Variants in C1QTNF9 observed in about 807,000 individuals in gnomAD.
C1QTNF9 encodes C1q and TNF related 9.
In C1QTNF9, 6 loss-of-function variants were observed where a neutral mutation model predicts 10.1. The ratio of observed to expected loss-of-function variants is 0.59; its 90% CI spans 0.32 to 1.17. The LOEUF is 1.17. Ranked by LOEUF, C1QTNF9 falls within the 50% of genes most tolerant of loss-of-function variation. The pLI, the probability that C1QTNF9 is intolerant of heterozygous loss-of-function variation, is 0.04. For synonymous variants in C1QTNF9, 98 were observed against 163.5 expected, an observed-to-expected ratio of 0.60 and a Z score of 3.06; for missense variants, 201 against 418.8, an observed-to-expected ratio of 0.48 and a Z score of 4.54.
chr13:24,310,137 C>T (rs544455610), intron 1 of C1QTNF9, among the ~76,000 whole-genome samples: 9 of 152,002 alleles, frequency 5.9e-5, no homozygotes, highest in African/African-American at 2.2e-4. Context: ...TATGATCCAA[C>T]CGCTTTGGCC....
chr13:24,314,447 C>T (rs1264235591), intron 1 of C1QTNF9, among the ~76,000 whole-genome samples: 1 of 151,840 alleles, frequency 6.6e-6, no homozygotes, highest in Non-Finnish European at 1.5e-5. Context: ...CTTTGGGAGG[C>T]CAAGACAGGC....
chr13:24,309,832 G>T (rs74240466), intron 1 of C1QTNF9, among the ~76,000 whole-genome samples: 30,166 of 152,112 alleles, frequency 0.2, 3,530 homozygotes, highest in East Asian at 0.35. Flanking sequence ...AAATTCTTCT[G>T]CTGGAACTCT....
At chr13:24,310,139 G>A (rs930172891) in intron 1 of C1QTNF9, among the ~76,000 whole-genome samples, 8 of 151,772 alleles carry the variant, frequency 5.3e-5, no homozygotes, top group African/African-American at 1.9e-4. Context: ...TGATCCAACC[G>A]CTTTGGCCTC....
At chr13:24,318,543 G>C (rs1198764430) in intron 2 of C1QTNF9, among the ~76,000 whole-genome samples, 2 of 151,888 alleles carry the variant, frequency 1.3e-5, no homozygotes. Flanking sequence ...CTCCCTCTTC[G>C]TCCTGTCTTG....
At position 24,313,636 on chromosome 13, in the gene C1QTNF9, T is replaced by C. The variant is rs558693420; in HGVS notation, c.-22-2346T>C. On this transcript the variant is annotated intron_variant, in intron 1 of 3. Transcript: ENST00000332018. ...TTTCCCAAAAATACTCCATTTGCAT[T>C]AGACTGCTCCCTGTGACATTTCCAC... Among the ~76,000 whole-genome samples, 68 of 152,340 alleles carry C rather than the reference T, an allele frequency of 4.5e-4. 2 individuals carry two copies. In the South Asian group the frequency reaches 0.014, roughly 31 times the overall value.
chr13:24,321,170 C>T (rs548003093), exon 4 of C1QTNF9: 1 of 1,404,266 alleles, frequency 7.1e-7, no homozygotes, highest in African/African-American at 1.5e-5. Flanking sequence ...CCCACTGGTC[C>T]TGAGGGGCCA....
chr13:24,320,576 G>A (rs1341956365), intron 3 of C1QTNF9, among the ~76,000 whole-genome samples: 1 of 152,116 alleles, frequency 6.6e-6, no homozygotes, highest in Non-Finnish European at 1.5e-5. Flanking sequence ...GCAGAGATAA[G>A]GTTTGGCCAT....
At position 24,310,320 on chromosome 13, in the gene C1QTNF9, C is replaced by CT. The variant is rs59368172; in HGVS notation, c.-23+720dup. ...AGGAGCCTGCCACCGCGCCTGGCTA[C>CT]TTTTTTTTTTTTTTTTGTATTTTTA... On this transcript the variant is annotated intron_variant, in intron 1 of 3. Transcript: ENST00000332018. Among the ~76,000 whole-genome samples, 64 of 140,778 alleles carry CT rather than the reference C, an allele frequency of 4.5e-4. 1 individual carries two copies. Among genetic ancestry groups the CT allele is most frequent in the South Asian group, 4.2e-3 (18 of 4,264 alleles). The allele number at this position is 140,778 out of a possible 152,430, so 92.4% of individuals were successfully genotyped here.
intron 2 of C1QTNF9, among the ~76,000 whole-genome samples, chr13:24,318,566 G>A (rs1164259262): frequency 6.6e-6 from 1 of 151,988 alleles, no homozygotes; most frequent in African/African-American, 2.4e-5. Context: ...GTGCGCTCTA[G>A]GCACGTCCTA....
upstream of C1QTNF9, among the ~76,000 whole-genome samples, chr13:24,309,306 T>TATATATA (rs963863876): frequency 7.5e-6 from 1 of 134,020 alleles, no homozygotes; most frequent in African/African-American, 3.0e-5. Context: ...TATATATATA[T>TATATATA]ATGAAAGAAA....
intron 1 of C1QTNF9, among the ~76,000 whole-genome samples, chr13:24,312,954 C>CAAAAAAAAAAAAA (rs34668112): frequency 8.6e-6 from 1 of 115,896 alleles, no homozygotes. Context: ...GACTCTATCT[C>CAAAAAAAAAAAAA]AAAAAAAAAA....
intron 3 of C1QTNF9, 32 bp from the exon 4 acceptor site, chr13:24,320,964 G>C (rs4476017): frequency 6.6e-7 from 1 of 1,506,932 alleles, no homozygotes; most frequent in Non-Finnish European, 9.0e-7. Flanking sequence ...TCTTTCACAA[G>C]CTATCTCTTT....
At chr13:24,307,368 C>G (rs1877637922), upstream of C1QTNF9, 1 of 152,332 alleles carries the variant, frequency 6.6e-6, no homozygotes, top group South Asian at 2.1e-4. Context: ...GGAGAGGAGA[C>G]AGAACAACAG....
chr13:24,315,046 A>G (rs1291389292), intron 1 of C1QTNF9, among the ~76,000 whole-genome samples: 1 of 152,150 alleles, frequency 6.6e-6, no homozygotes, highest in African/African-American at 2.4e-5. Context: ...TAAAAAATAT[A>G]TAACATAAAA....
At chr13:24,321,976 T>C (rs1345702264) in exon 4 of C1QTNF9, 4 of 590,932 alleles carry the variant, frequency 6.8e-6, no homozygotes, top group Non-Finnish European at 1.1e-5. Flanking sequence ...TTTATTCTAA[T>C]TTATTTCACA....
rs141467575 is a variant in C1QTNF9 at position 24,315,496 on chromosome 13, C to T, written c.-22-486C>T. 3.8e-4 allele frequency among the ~76,000 whole-genome samples: 58 copies of T among 152,350 alleles called. 1 individual carries two copies. The East Asian group carries it at 0.011, about 28-fold the overall frequency. On this transcript the variant is annotated intron_variant, in intron 1 of 3. Transcript: ENST00000332018. ...CTATGGAAAATAATGCAACTACGAA[C>T]ATGGACATCTGTTCCAGTCCTTGCT... is the stretch of plus-strand genomic sequence containing the variant.
At chr13:24,321,724 G>C (rs374383149) in exon 4 of C1QTNF9, 6 of 1,600,774 alleles carry the variant, frequency 3.7e-6, no homozygotes, top group Non-Finnish European at 5.1e-6. Flanking sequence ...TGATGAGGAC[G>C]ATGACACAAC....
chr13:24,308,252 G>T (rs1877674203), upstream of C1QTNF9, among the ~76,000 whole-genome samples: 1 of 152,230 alleles, frequency 6.6e-6, no homozygotes, highest in African/African-American at 2.4e-5. Flanking sequence ...AGCGGGGAAG[G>T]GCCGGGCAGC....
At chr13:24,319,592 A>G (rs1878170983) in intron 3 of C1QTNF9, among the ~76,000 whole-genome samples, 2 of 152,126 alleles carry the variant, frequency 1.3e-5, no homozygotes, top group African/African-American at 4.8e-5. Flanking sequence ...ACAAAAAAAC[A>G]TGTAAACCAT....
Sources: gnomAD v4.1 joint callset for allele counts (sites outside exome capture counted in the v4.1 genomes callset) on GRCh38, gnomAD v4.1.1 for gene constraint, MANE v1.5 for transcripts, NCBI Gene and HGNC (gene_info 2026-07-23, HGNC 2026-07-21) for gene names.